The following FMN1 variants were observed in gnomAD, a reference collection of about 807,000 sequenced individuals.
FMN1 encodes the protein formin 1, also known as formin-1.
A neutral mutation model predicts 132.4 loss-of-function variants in FMN1; 110 were observed. That is an observed-to-expected ratio of 0.83 (90% confidence interval 0.71 to 0.97). The LOEUF (loss-of-function observed/expected upper bound fraction) is 0.97. Ranked by LOEUF, FMN1 falls within the 50% of genes least tolerant of loss-of-function variation. The pLI is 0.00. For missense variants in FMN1, 1,792 were observed against 1,705.3 expected (o/e 1.05, Z -0.90); for synonymous variants, 722 against 651.7 (o/e 1.11, Z -1.64).
chr15:32,945,947 C>T (rs1409469990), intron 9 of FMN1, among the ~76,000 whole-genome samples: 1 of 152,204 alleles, frequency 6.6e-6, no homozygotes, highest in African/African-American at 2.4e-5. Context: ...ATAATGTACA[C>T]TACTTACAAC....
chr15:33,132,361 G>A (rs985410102), intron 4 of FMN1, among the ~76,000 whole-genome samples: 1 of 152,130 alleles, frequency 6.6e-6, no homozygotes, highest in African/African-American at 2.4e-5. Context: ...CTTTCAAGAT[G>A]AAAGAATCAG....
In FMN1 at chr15:33,073,732, G is replaced by GTT. The variant is rs763275526; in HGVS notation, c.2044-8660_2044-8659dup. ...GAAATAGTAGAAATTTACCTAGCTT[G>GTT]TTTTTTTTTTTTTTTTGAGACAGGG... On this transcript the variant is annotated intron_variant, in intron 5 of 20. Coordinates refer to ENST00000616417, the MANE Select transcript of FMN1 (RefSeq NM_001277313.2). Among the ~76,000 whole-genome samples, 896 of 109,872 alleles carry GTT rather than the reference G, an allele frequency of 8.2e-3. 14 individuals carry two copies. The highest frequency in any genetic ancestry group is 0.026 in the African/African-American group (815 of 31,652). 72.1% of individuals were successfully genotyped at this position (109,872 alleles called of 152,430 possible).
chr15:32,885,203 C>T (rs1403400880), intron 16 of FMN1, among the ~76,000 whole-genome samples: 3 of 152,224 alleles, frequency 2.0e-5, no homozygotes, highest in African/African-American at 4.8e-5. Flanking sequence ...GACTTCTTCC[C>T]CTTTCCAATT....
chr15:32,840,842 A>G (rs945105379), intron 17 of FMN1, among the ~76,000 whole-genome samples: 1 of 152,224 alleles, frequency 6.6e-6, no homozygotes, highest in Non-Finnish European at 1.5e-5. Flanking sequence ...ATGTGCACAC[A>G]CTGTTTAAAT....
intron 13 of FMN1, 103 bp downstream of exon 13, chr15:32,901,808 C>G: frequency 1.2e-6 from 1 of 869,420 alleles, no homozygotes; most frequent in Non-Finnish European, 1.6e-6. Flanking sequence ...AACATACAAT[C>G]TGAGTCCAAA....
At chr15:33,074,754 G>A (rs1039742878) in intron 5 of FMN1, among the ~76,000 whole-genome samples, 4 of 152,196 alleles carry the variant, frequency 2.6e-5, no homozygotes, top group Admixed American at 6.5e-5. Context: ...AGTGGCTCAC[G>A]CCTGTAATCC....
Position 32,898,868 on chromosome 15 carries a change from T to C in FMN1, c.3680A>G (p.Tyr1227Cys). 1.2e-6 allele frequency: 2 copies of C among 1,601,916 alleles called. No individual in the cohort carries two copies. Among genetic ancestry groups the C allele is most frequent in the Non-Finnish European group, 1.7e-6 (2 of 1,170,328 alleles). ...SRDNGINLVD[Y>C]VVKYYLRYYD... ...GTAACGCAGGTAATACTTAACAACG[T>C]AGTCCACCAGATTAATCCCATTATC... Residue 1227 changes from tyrosine to cysteine, a missense_variant, in exon 15 of 21, where the codon TAC becomes TGC. Coordinates refer to ENST00000616417, the MANE Select transcript of FMN1 (RefSeq NM_001277313.2).
intron 4 of FMN1, among the ~76,000 whole-genome samples, chr15:33,110,840 A>G (rs2039674963): frequency 6.6e-6 from 1 of 152,076 alleles, no homozygotes; most frequent in South Asian, 2.1e-4. Context: ...AGTCCATTAA[A>G]ATTTTCCCAC....
chr15:33,078,451 C>G (rs539898066), intron 5 of FMN1, among the ~76,000 whole-genome samples: 25 of 152,050 alleles, frequency 1.6e-4, no homozygotes, highest in Non-Finnish European at 3.1e-4. Context: ...CTTTAAAAAG[C>G]CTCATGAAAT....
intron 4 of FMN1, among the ~76,000 whole-genome samples, chr15:33,125,825 AG>A (rs2140197884): frequency 6.6e-6 from 1 of 152,350 alleles, no homozygotes; most frequent in South Asian, 2.1e-4. Context: ...TAGTTCATCA[AG>A]AATGTGCTTC....
rs532932785 is a variant in FMN1, at chr15:33,164,990, C to G, written c.-131-9945G>C. Among the ~76,000 whole-genome samples the G allele has an allele frequency of 2.0e-5, 3 of 152,274 alleles. No homozygotes were observed. The South Asian group carries it at 6.2e-4, about 32-fold the overall frequency. On this transcript the variant is annotated intron_variant, in intron 3 of 20. Coordinates refer to ENST00000616417, the MANE Select transcript of FMN1 (RefSeq NM_001277313.2). The stretch of plus-strand genomic sequence containing the variant: ...TAAATGTACAACAAATTATTGTTGA[C>G]TGTAATCACCCTGTTGTACAATCAA...
At chr15:32,844,267 T>C (rs531937565) in intron 17 of FMN1, among the ~76,000 whole-genome samples, 97 of 152,314 alleles carry the variant, frequency 6.4e-4, no homozygotes, top group African/African-American at 2.3e-3. Flanking sequence ...CATTTTTAGC[T>C]ATTGAGACAG....
chr15:33,065,630 T>C (rs745867621), intron 5 of FMN1, among the ~76,000 whole-genome samples: 84 of 152,364 alleles, frequency 5.5e-4, no homozygotes, highest in Admixed American at 1.2e-3. Flanking sequence ...AATGTTATAT[T>C]GTGCTTGGTT....
intron 3 of FMN1, among the ~76,000 whole-genome samples, chr15:33,164,662 T>C (rs940305046): frequency 1.3e-5 from 2 of 152,206 alleles, no homozygotes; most frequent in African/African-American, 4.8e-5. Context: ...TCCACATGAT[T>C]TCCATGAAAA....
Position 33,012,722 on chromosome 15 carries a change from G to A in FMN1, c.2162-4647C>T, listed in dbSNP as rs116286506. 3,856 of 758,900 alleles carry A rather than the reference G, an allele frequency of 5.1e-3. 92 individuals carry two copies. The African/African-American group carries it at 0.056, about 11-fold the overall frequency. The allele number at this position is 758,900 out of a possible 1,614,324, so 47.0% of individuals were successfully genotyped here. A position where few individuals can be genotyped will look rare whatever the true frequency, so the allele number is the denominator to read the frequency against. On this transcript the variant is annotated intron_variant, in intron 6 of 20. Transcript: ENST00000616417. ...GGACATAGTAGTTCTGGAAACTTTCGTGGTGGCCATGGAGGTGGTTTTGGT... is the reference window on the plus strand; with the variant it reads ...GGACATAGTAGTTCTGGAAACTTTCATGGTGGCCATGGAGGTGGTTTTGGT...
At chr15:33,055,740 C>T (rs2037187700) in intron 6 of FMN1, among the ~76,000 whole-genome samples, 1 of 152,070 alleles carries the variant, frequency 6.6e-6, no homozygotes, top group East Asian at 1.9e-4. Context: ...AATAAGAAGG[C>T]TCAAAATGCC....
In FMN1 at chr15:33,020,507, C is replaced by T. The variant is rs866441325; in HGVS notation, c.2162-12432G>A. 1.6e-4 allele frequency among the ~76,000 whole-genome samples: 25 copies of T among 152,142 alleles called. 1 individual carries two copies. Among genetic ancestry groups the T allele is most frequent in the Middle Eastern group, 3.4e-3 (1 of 294 alleles). On this transcript the variant is annotated intron_variant, in intron 6 of 20. Coordinates refer to ENST00000616417, the MANE Select transcript of FMN1 (RefSeq NM_001277313.2). Reference sequence around the variant, plus strand: ...TACTAAAATACAAAAAGTAGCCGGGCGTGGTGGCAGGTGCCTGTAATCCTG... The same window carrying T: ...TACTAAAATACAAAAAGTAGCCGGGTGTGGTGGCAGGTGCCTGTAATCCTG...
chr15:33,117,273 C>T (rs965907771), intron 4 of FMN1, among the ~76,000 whole-genome samples: 1 of 152,130 alleles, frequency 6.6e-6, no homozygotes, highest in African/African-American at 2.4e-5. Context: ...CTGGCAATAA[C>T]AACGAAAGTA....
intron 2 of FMN1, among the ~76,000 whole-genome samples, chr15:33,181,783 A>G (rs28452429): frequency 0.15 from 21,059 of 141,570 alleles, 2,879 homozygotes; most frequent in African/African-American, 0.37. Flanking sequence ...ATCTCAGCTC[A>G]CTGCAACCTC....
Sources: gnomAD v4.1 joint callset for allele counts (sites outside exome capture counted in the v4.1 genomes callset) on GRCh38, gnomAD v4.1.1 for gene constraint, MANE v1.5 for transcripts, NCBI Gene and HGNC (gene_info 2026-07-23, HGNC 2026-07-21) for gene names.